The following AFF1 variants were observed in gnomAD, a reference collection of about 807,000 sequenced individuals.
AFF1 encodes AF4/FMR2 family member 1.
AFF1 carries 48 observed loss-of-function variants against 121.7 expected under a neutral mutation model. That is an observed-to-expected ratio of 0.39 (90% confidence interval 0.31 to 0.50). The LOEUF (loss-of-function observed/expected upper bound fraction) is 0.50. Ranked by LOEUF, AFF1 falls within the 20% of genes least tolerant of loss-of-function variation. The pLI is 0.76. For missense variants in AFF1, 1,523 were observed against 1,511.7 expected (o/e 1.01, Z -0.12); for synonymous variants, 613 against 563.0 (o/e 1.09, Z -1.26).
rs1208832653 is a variant in AFF1 at position 87,047,209 on chromosome 4, A to G, written c.674A>G (p.Gln225Arg). 1.9e-6 allele frequency: 3 copies of G among 1,614,028 alleles called. No individual in the cohort carries two copies. Among genetic ancestry groups the G allele is most frequent in the Non-Finnish European group, 2.5e-6 (3 of 1,180,016 alleles). Reference sequence around the variant, plus strand: ...CCTTTGTCACCTATACATTCCAACCAGCAAACTCTTCCCCGGACGCAAGGA... The same window carrying G: ...CCTTTGTCACCTATACATTCCAACCGGCAAACTCTTCCCCGGACGCAAGGA... The part of the protein sequence containing the change: ...VPPLSPIHSN[Q>R]QTLPRTQGSS... Residue 225 changes from glutamine (Q) to arginine (R), a missense_variant, in exon 4 of 21, where the codon CAG (glutamine) becomes CGG (arginine). Around this residue, in one of 5 missense-constraint regions of AFF1, gnomAD observed 369 missense variants for 367.2 expected, o/e 1.00. Transcript: ENST00000395146.
chr4:86,993,484 G>A (rs1300910684), intron 2 of AFF1, among the ~76,000 whole-genome samples: 2 of 152,118 alleles, frequency 1.3e-5, no homozygotes, highest in Non-Finnish European at 2.9e-5. Flanking sequence ...TCAAGGGCAG[G>A]AAAAGCCCAT....
intron 2 of AFF1, among the ~76,000 whole-genome samples, chr4:86,951,920 C>CTT (rs35412461): frequency 2.4e-4 from 33 of 138,016 alleles, no homozygotes; most frequent in South Asian, 1.2e-3. Flanking sequence ...GGCTGGGAAC[C>CTT]TTTTTTTTTT....
chr4:86,948,399 T>C (rs1721020622), intron 1 of AFF1, 99 bp from the exon 2 acceptor site: 2 of 733,310 alleles, frequency 2.7e-6, no homozygotes, highest in Non-Finnish European at 4.2e-6. Flanking sequence ...AAATGAGAAC[T>C]TGGAATTCTG....
At chr4:87,022,353 C>T (rs1201490827) in intron 2 of AFF1, among the ~76,000 whole-genome samples, 1 of 151,512 alleles carries the variant, frequency 6.6e-6, no homozygotes, top group Non-Finnish European at 1.5e-5. Flanking sequence ...CACACTGACA[C>T]TTAGGTTTAG....
At chr4:87,074,136 C>G (rs1053769148) in intron 4 of AFF1, among the ~76,000 whole-genome samples, 7 of 150,412 alleles carry the variant, frequency 4.7e-5, no homozygotes, top group African/African-American at 1.5e-4. Flanking sequence ...GATAGTCCCA[C>G]TGAAAAAAAA....
rs138458081 is a variant in AFF1 at position 87,081,450 on chromosome 4, C to T, written c.1060-2670C>T. Among the ~76,000 whole-genome samples, 499 of 152,306 alleles carry T rather than the reference C, an allele frequency of 3.3e-3. 10 individuals are homozygous for T. Among genetic ancestry groups the T allele is most frequent in the East Asian group, 0.024 (125 of 5,180 alleles). On this transcript the variant is annotated intron_variant, in intron 4 of 20. Coordinates refer to ENST00000395146, the MANE Select transcript of AFF1 (RefSeq NM_001166693.3). ...GTGCTGGGATTACAGGCGTGAGCCA[C>T]TGCGCCCGGCCGTATGAAATGATTT...
chr4:87,083,044 A>C (rs1417522208), intron 4 of AFF1, among the ~76,000 whole-genome samples: 3 of 152,228 alleles, frequency 2.0e-5, no homozygotes, highest in African/African-American at 7.2e-5. Context: ...TACTGTGCCC[A>C]TGATGCCTGG....
chr4:87,127,825 C>A (rs1728445781), intron 16 of AFF1, 122 bp downstream of exon 16: 2 of 963,326 alleles, frequency 2.1e-6, no homozygotes, highest in Admixed American at 2.3e-5. Flanking sequence ...GGAGGGGGTG[C>A]AGCAGGCGCA....
intron 2 of AFF1, among the ~76,000 whole-genome samples, chr4:86,998,852 C>T (rs760555373): frequency 1.3e-5 from 2 of 152,158 alleles, no homozygotes; most frequent in Non-Finnish European, 2.9e-5. Context: ...TTCCCACTCC[C>T]ATCCCTCTAC....
intron 2 of AFF1, among the ~76,000 whole-genome samples, chr4:86,978,370 G>A (rs1723474748): frequency 6.6e-6 from 1 of 151,242 alleles, no homozygotes; most frequent in Non-Finnish European, 1.5e-5. Flanking sequence ...TTTTAGTAGA[G>A]ACGGGGTTTC....
At chr4:86,970,779 T>C (rs943012954) in intron 2 of AFF1, among the ~76,000 whole-genome samples, 31 of 152,272 alleles carry the variant, frequency 2.0e-4, no homozygotes, top group African/African-American at 7.0e-4. Flanking sequence ...CAGATAGAAC[T>C]GGAGCTGGGG....
intron 2 of AFF1, among the ~76,000 whole-genome samples, chr4:86,954,974 C>T (rs1397595099): frequency 6.6e-6 from 1 of 152,106 alleles, no homozygotes; most frequent in East Asian, 1.9e-4. Context: ...TATGTAATCA[C>T]TTTACCTTTT....
intron 2 of AFF1, among the ~76,000 whole-genome samples, chr4:87,045,174 C>T (rs1048872050): frequency 5.8e-4 from 88 of 152,114 alleles, no homozygotes; most frequent in African/African-American, 2.0e-3. Context: ...CTAGAATTTC[C>T]GAAGGTACTG....
At chr4:87,013,449 G>A (rs2149542091) in intron 2 of AFF1, among the ~76,000 whole-genome samples, 1 of 152,222 alleles carries the variant, frequency 6.6e-6, no homozygotes, top group East Asian at 1.9e-4. Flanking sequence ...AGGAACTCAA[G>A]CAGACAAAGG....
At chr4:87,019,491 G>A (rs901211036) in intron 2 of AFF1, among the ~76,000 whole-genome samples, 2 of 152,176 alleles carry the variant, frequency 1.3e-5, no homozygotes, top group Non-Finnish European at 2.9e-5. Context: ...GAACTGAAGG[G>A]TGTTGGTTGA....
At chr4:87,042,889 G>C (rs1458855543) in intron 2 of AFF1, among the ~76,000 whole-genome samples, 1 of 152,194 alleles carries the variant, frequency 6.6e-6, no homozygotes, top group Non-Finnish European at 1.5e-5. Flanking sequence ...TGAAAATCTG[G>C]AAGTATGGGA....
At chr4:87,016,150 C>T (rs1727275399) in intron 2 of AFF1, among the ~76,000 whole-genome samples, 1 of 152,028 alleles carries the variant, frequency 6.6e-6, no homozygotes, top group African/African-American at 2.4e-5. Context: ...CGTTGCACTC[C>T]AGCCTGGGCG....
intron 12 of AFF1, among the ~76,000 whole-genome samples, chr4:87,116,965 G>T (rs1727189201): frequency 6.6e-6 from 1 of 152,294 alleles, no homozygotes; most frequent in Admixed American, 6.5e-5. Context: ...GTAGCTCCCT[G>T]TCCTGGTAAA....
intron 4 of AFF1, among the ~76,000 whole-genome samples, chr4:87,073,280 C>CAAAAAAAAAAAAAAAAAA (rs55821662): frequency 2.4e-5 from 2 of 83,686 alleles, no homozygotes; most frequent in African/African-American, 5.2e-5. Context: ...GCATTAAAGC[C>CAAAAAAAAAAAAAAAAAA]AAAAAAAAAA....
Sources: allele counts gnomAD v4.1 joint callset (sites outside exome capture counted in the v4.1 genomes callset), GRCh38; gene constraint gnomAD v4.1.1; regional missense constraint gnomAD v4.1.1; transcripts MANE v1.5; gene names NCBI Gene and HGNC (gene_info 2026-07-23, HGNC 2026-07-21).